Variants in NOP9 observed in about 807,000 individuals in gnomAD.
The protein encoded by NOP9 is NOP9 nucleolar protein, also known as nucleolar protein 9.
In NOP9, 50 loss-of-function variants were observed where a neutral mutation model predicts 63.0. The observed-to-expected ratio is 0.79, with a 90% confidence interval of 0.63 to 1.00. The LOEUF (loss-of-function observed/expected upper bound fraction) is 1.00, where lower values mean the gene tolerates loss of function less well. NOP9 is among the 50% of genes least tolerant of loss of function. NOP9 has a pLI of 0.00. For missense variants in NOP9, 758 were observed against 803.0 expected, an observed-to-expected ratio of 0.94 and a Z score of 0.68; for synonymous variants, 343 against 332.8, an observed-to-expected ratio of 1.03 and a Z score of -0.33.
At chr14:24,277,852 G>A in the NOP9 span, among the ~76,000 whole-genome samples, 1 of 152,134 alleles carries the variant, frequency 6.6e-6, no homozygotes, top group African/African-American at 2.4e-5. Flanking sequence ...CCAGCAAGGG[G>A]AGGCAACTCA....
Position 24,306,180 on chromosome 14 carries a change from C to A in NOP9, c.*1085C>A, listed in dbSNP as rs1482809788. The A allele has an allele frequency of 1.9e-6, 3 of 1,586,922 alleles. No homozygotes were observed. Among genetic ancestry groups the A allele is most frequent in the Middle Eastern group, 3.5e-4 (2 of 5,658 alleles). ...CAGTGCAGTAGATCCTCATACCAGACACCCACCACTAATCTCCATCAGCAC... is the reference window on the plus strand; with the variant it reads ...CAGTGCAGTAGATCCTCATACCAGAAACCCACCACTAATCTCCATCAGCAC... On this transcript the variant is annotated 3_prime_UTR_variant, in exon 10 of 10. Coordinates refer to ENST00000267425, the MANE Select transcript of NOP9 (RefSeq NM_174913.3).
chr14:24,272,582 T>G, the NOP9 span, among the ~76,000 whole-genome samples: 1 of 152,362 alleles, frequency 6.6e-6, no homozygotes, highest in African/African-American at 2.4e-5. Context: ...TCCTCTGTGC[T>G]ACTGAATCCA....
chr14:24,274,383 G>C, the NOP9 span, among the ~76,000 whole-genome samples: 2 of 152,200 alleles, frequency 1.3e-5, no homozygotes, highest in Non-Finnish European at 2.9e-5. Context: ...GAAAGAGCGG[G>C]CAGGAAGGGT....
At chr14:24,274,181 T>C in the NOP9 span, among the ~76,000 whole-genome samples, 75,725 of 151,926 alleles carry the variant, frequency 0.5, 20,652 homozygotes, top group African/African-American at 0.72. Context: ...TGCACACTCA[T>C]AGGCGCAACC....
At chr14:24,296,105 C>T (rs1383973376), upstream of NOP9, among the ~76,000 whole-genome samples, 1 of 152,196 alleles carries the variant, frequency 6.6e-6, no homozygotes, top group East Asian at 1.9e-4. Flanking sequence ...GATGTGGAGA[C>T]TAAACAGCAT....
In NOP9 at chr14:24,302,396, T is replaced by C. The variant is rs1449358501; in HGVS notation, c.1115T>C (p.Leu372Ser). 1 of 1,613,064 alleles carries C rather than the reference T, an allele frequency of 6.2e-7. No individual in the cohort carries two copies. The highest frequency in any genetic ancestry group is 8.5e-7 in the Non-Finnish European group (1 of 1,179,368). The change falls in exon 5 of 10, where the codon TTA becomes TCA. Residue 372 changes from leucine to serine, a missense_variant. Coordinates refer to ENST00000267425, the MANE Select transcript of NOP9 (RefSeq NM_174913.3). Reference protein sequence around the residue: ...HPIANFPLQRLLDAVTTPELL... With the variant: ...HPIANFPLQRSLDAVTTPELL... ...ATTGCCAACTTCCCTTTGCAGCGCTTACTGGATGCAGTCACTACCCCTGAG... is the reference window on the plus strand; with the variant it reads ...ATTGCCAACTTCCCTTTGCAGCGCTCACTGGATGCAGTCACTACCCCTGAG...
intron 9 of NOP9, 89 bp downstream of exon 9, chr14:24,304,687 AAC>A (rs1594623809): frequency 9.0e-7 from 1 of 1,113,274 alleles, no homozygotes; most frequent in Non-Finnish European, 1.3e-6. Context: ...ACTGAAATTC[AAC>A]AGTCTTTAGT....
At chr14:24,303,890 A>G in intron 7 of NOP9, 33 bp downstream of exon 7, 1 of 1,609,826 alleles carries the variant, frequency 6.2e-7, no homozygotes, top group Non-Finnish European at 8.5e-7. Flanking sequence ...CCAGTGACTA[A>G]TTGGGAGTCA....
chr14:24,296,898 G>A (rs1318139418), upstream of NOP9: 2 of 1,614,098 alleles, frequency 1.2e-6, no homozygotes, highest in South Asian at 2.2e-5. Context: ...TAGGACAGGG[G>A]ATATGAGCTC....
At chr14:24,275,648 A>AG in the NOP9 span, among the ~76,000 whole-genome samples, 1 of 152,236 alleles carries the variant, frequency 6.6e-6, no homozygotes, top group African/African-American at 2.4e-5. Context: ...GAGGGAGGAA[A>AG]GGGGGCCACG....
the NOP9 span, among the ~76,000 whole-genome samples, chr14:24,281,002 A>G: frequency 6.6e-6 from 1 of 152,114 alleles, no homozygotes; most frequent in African/African-American, 2.4e-5. Flanking sequence ...GTAAAGGAGA[A>G]TGCCTGGAAC....
rs58672206 is a variant in NOP9, at chr14:24,301,936, G to T, written c.809-29G>T. On this transcript the variant is annotated intron_variant, in intron 3 of 9. Coordinates refer to ENST00000267425, the MANE Select transcript of NOP9 (RefSeq NM_174913.3). ...CGCAGGTTGTCTGGATTTTGGGAAA[G>T]CCGCTTTATTTCTGCCCTCTCTCCA... is the stretch of plus-strand genomic sequence containing the variant. 1,982 of 1,593,966 alleles carry T rather than the reference G, an allele frequency of 1.2e-3. 24 individuals are homozygous for T. The African/African-American group carries it at 0.021, about 17-fold the overall frequency.
chr14:24,297,137 C>T (rs574062045), upstream of NOP9, among the ~76,000 whole-genome samples: 1 of 152,220 alleles, frequency 6.6e-6, no homozygotes, highest in Non-Finnish European at 1.5e-5. Context: ...TGAGGCCCAC[C>T]ATGTGCACAG....
chr14:24,286,676 T>A, the NOP9 span, among the ~76,000 whole-genome samples: 1 of 152,088 alleles, frequency 6.6e-6, no homozygotes, highest in South Asian at 2.1e-4. Flanking sequence ...CACTGCAAGC[T>A]CTGCCTCCCA....
At chr14:24,292,676 G>A in the NOP9 span, 5 of 1,614,096 alleles carry the variant, frequency 3.1e-6, no homozygotes, top group African/African-American at 1.3e-5. Flanking sequence ...CACCATAGGG[G>A]ACATTGAACA....
chr14:24,283,794 G>T, the NOP9 span, among the ~76,000 whole-genome samples: 1 of 152,242 alleles, frequency 6.6e-6, no homozygotes, highest in African/African-American at 2.4e-5. Context: ...AGTAGTTACT[G>T]AATAAAGCCT....
upstream of NOP9, chr14:24,299,398 T>A (rs1022946875): frequency 3.2e-6 from 1 of 309,990 alleles, no homozygotes; most frequent in Non-Finnish European, 6.0e-6. Context: ...TGTGGCTGCC[T>A]GGATATGGGA....
the NOP9 span, chr14:24,292,435 A>G: frequency 1.3e-6 from 2 of 1,526,574 alleles, no homozygotes; most frequent in African/African-American, 2.7e-5. Context: ...TGTCCTTCCC[A>G]GGAGCCCCAA....
chr14:24,275,957 G>C, the NOP9 span, among the ~76,000 whole-genome samples: 1 of 152,210 alleles, frequency 6.6e-6, no homozygotes, highest in Non-Finnish European at 1.5e-5. Flanking sequence ...GGAAGTGTTT[G>C]GTATCTGTGT....
Sources: allele counts gnomAD v4.1 joint callset (sites outside exome capture counted in the v4.1 genomes callset), GRCh38; gene constraint gnomAD v4.1.1; transcripts MANE v1.5; gene names NCBI Gene and HGNC (gene_info 2026-07-23, HGNC 2026-07-21).